Variants in CERS6 observed in about 807,000 individuals in gnomAD.
The protein encoded by CERS6 is LAG1 homolog, ceramide synthase 6.
In CERS6, 26 loss-of-function variants were observed where a neutral mutation model predicts 56.8. The observed-to-expected ratio is 0.46, with a 90% CI of 0.34 to 0.63. CERS6 has a LOEUF of 0.63. Ranked by LOEUF, CERS6 falls within the 30% of genes least tolerant of loss-of-function variation. The probability of loss-of-function intolerance (pLI) is 0.01; values close to 1 mark genes in which losing one functional copy is unlikely to be tolerated. For missense variants in CERS6, 415 were observed against 467.5 expected (o/e 0.89, Z 1.04); for synonymous variants, 164 against 173.3 (o/e 0.95, Z 0.42).
intron 4 of CERS6, among the ~76,000 whole-genome samples, chr2:168,665,952 C>CTGTGTGTGTGTGTGTGTG (rs58913968): frequency 2.9e-4 from 42 of 143,286 alleles, no homozygotes; most frequent in African/African-American, 1.0e-3. Flanking sequence ...AATTAGTAGA[C>CTGTGTGTGTGTGTGTGTG]TGTGTGTGTG....
intron 4 of CERS6, among the ~76,000 whole-genome samples, chr2:168,667,596 A>G (rs1377149347): frequency 6.6e-6 from 1 of 151,854 alleles, no homozygotes. Context: ...TTTTTTTTAA[A>G]TATGTTCTCT....
intron 4 of CERS6, among the ~76,000 whole-genome samples, chr2:168,639,336 T>C (rs962263527): frequency 2.0e-5 from 3 of 152,236 alleles, no homozygotes; most frequent in African/African-American, 7.2e-5. Context: ...ATAGGAAGTA[T>C]TGATCCATGT....
chr2:168,593,436 G>T (rs916429952), intron 3 of CERS6, among the ~76,000 whole-genome samples: 4 of 152,160 alleles, frequency 2.6e-5, no homozygotes, highest in Admixed American at 2.0e-4. Flanking sequence ...CCCGTAAGTG[G>T]CAAAGTGACT....
chr2:168,474,305 T>C (rs2105327360), intron 1 of CERS6, among the ~76,000 whole-genome samples: 2 of 152,334 alleles, frequency 1.3e-5, no homozygotes, highest in South Asian at 4.1e-4. Flanking sequence ...CAGACTTCTT[T>C]GCATTTAGGT....
At chr2:168,458,750 C>G (rs923210202) in intron 1 of CERS6, among the ~76,000 whole-genome samples, 9 of 152,232 alleles carry the variant, frequency 5.9e-5, no homozygotes, top group Non-Finnish European at 1.3e-4. Context: ...ATGCTACTGA[C>G]TTTTGGAAGA....
chr2:168,464,080 C>G (rs998716253), intron 1 of CERS6, among the ~76,000 whole-genome samples: 2 of 151,828 alleles, frequency 1.3e-5, no homozygotes, highest in African/African-American at 2.4e-5. Flanking sequence ...TATCTTTTTT[C>G]TGTAAGAAAT....
At chr2:168,490,720 C>T (rs1558969587) in intron 1 of CERS6, among the ~76,000 whole-genome samples, 2 of 150,534 alleles carry the variant, frequency 1.3e-5, no homozygotes, top group African/African-American at 4.9e-5. Context: ...TTTTAAAAAG[C>T]GAGAGAGAGA....
intron 4 of CERS6, among the ~76,000 whole-genome samples, chr2:168,642,938 G>T (rs554733135): frequency 2.1e-4 from 32 of 152,304 alleles, no homozygotes; most frequent in African/African-American, 7.5e-4. Flanking sequence ...TGATTAGGGG[G>T]TTAAGAGTAA....
intron 6 of CERS6, among the ~76,000 whole-genome samples, chr2:168,698,525 C>T (rs1435962932): frequency 3.3e-5 from 5 of 152,058 alleles, no homozygotes; most frequent in Non-Finnish European, 7.4e-5. Context: ...ACTCACAATC[C>T]CGATGACAGC....
In CERS6 at chr2:168,671,133, G is replaced by T. The variant is rs944793140; in HGVS notation, c.466-19901G>T. Among the ~76,000 whole-genome samples, 2 of 151,564 alleles carry T rather than the reference G, an allele frequency of 1.3e-5. 1 individual carries two copies. Among genetic ancestry groups the T allele is most frequent in the African/African-American group, 4.9e-5 (2 of 41,232 alleles). On this transcript the variant is annotated intron_variant, in intron 4 of 9. Coordinates refer to ENST00000305747, the MANE Select transcript of CERS6 (RefSeq NM_203463.3). ...ATGCCACCACACCTAGCTAATTTTT[G>T]TATTTTTTTTTTCAGTAGAGACAGG... is the stretch of plus-strand genomic sequence containing the variant.
At chr2:168,625,665 T>A (rs964152125) in intron 3 of CERS6, among the ~76,000 whole-genome samples, 16 of 152,182 alleles carry the variant, frequency 1.1e-4, no homozygotes, top group Non-Finnish European at 1.9e-4. Context: ...TTTTCCATGT[T>A]GCAGCATCCA....
intron 2 of CERS6, 58 bp from the exon 3 acceptor site, chr2:168,561,134 G>GT: frequency 6.3e-7 from 1 of 1,586,368 alleles, no homozygotes. Context: ...GGGCAGATCT[G>GT]TTTATAGTGA....
chr2:168,593,914 A>G (rs1683734349), intron 3 of CERS6, among the ~76,000 whole-genome samples: 1 of 152,234 alleles, frequency 6.6e-6, no homozygotes, highest in South Asian at 2.1e-4. Flanking sequence ...AACCATGACC[A>G]TGAATACTCT....
At chr2:168,727,701 A>G (rs1435616620) in intron 8 of CERS6, among the ~76,000 whole-genome samples, 1 of 152,114 alleles carries the variant, frequency 6.6e-6, no homozygotes, top group East Asian at 1.9e-4. Flanking sequence ...CATGGCTTAT[A>G]TGCTTTTCTG....
chr2:168,560,480 C>T (rs1290480821), intron 2 of CERS6, among the ~76,000 whole-genome samples: 3 of 152,108 alleles, frequency 2.0e-5, no homozygotes, highest in Non-Finnish European at 4.4e-5. Flanking sequence ...AGGAATTGAA[C>T]AAGTGCCTAT....
intron 8 of CERS6, among the ~76,000 whole-genome samples, chr2:168,724,888 C>G (rs940409080): frequency 6.6e-6 from 1 of 152,238 alleles, no homozygotes; most frequent in South Asian, 2.1e-4. Flanking sequence ...AGTCCAGCGC[C>G]GTGTGCCTGC....
chr2:168,678,580 A>G (rs1029299483), intron 4 of CERS6, among the ~76,000 whole-genome samples: 2 of 152,140 alleles, frequency 1.3e-5, no homozygotes, highest in African/African-American at 4.8e-5. Flanking sequence ...GAATGAGAAG[A>G]CCTGTCTGTA....
chr2:168,708,529 G>A (rs1272098255), intron 6 of CERS6, among the ~76,000 whole-genome samples: 6 of 152,094 alleles, frequency 3.9e-5, no homozygotes, highest in Non-Finnish European at 8.8e-5. Flanking sequence ...TCAGCTTTAA[G>A]CTATGCTGCT....
intron 1 of CERS6, among the ~76,000 whole-genome samples, chr2:168,509,427 A>G (rs1488266017): frequency 1.3e-5 from 2 of 152,236 alleles, no homozygotes; most frequent in South Asian, 2.1e-4. Flanking sequence ...AATTCCCCAC[A>G]TTTATTCCAG....
Sources: allele counts gnomAD v4.1 joint callset (sites outside exome capture counted in the v4.1 genomes callset), GRCh38; gene constraint gnomAD v4.1.1; transcripts MANE v1.5; gene names NCBI Gene and HGNC (gene_info 2026-07-23, HGNC 2026-07-21).